The following SERPINI1 variants were observed in gnomAD, a reference collection of about 807,000 sequenced individuals.
SERPINI1 encodes serpin family I member 1.
In SERPINI1, 19 loss-of-function variants were observed where a neutral mutation model predicts 41.1. The ratio of observed to expected loss-of-function variants is 0.46; its 90% CI spans 0.32 to 0.68. The LOEUF (loss-of-function observed/expected upper bound fraction) is 0.68. Ranked by LOEUF, SERPINI1 falls within the 30% of genes least tolerant of loss-of-function variation. SERPINI1 has a pLI of 0.03. For missense variants in SERPINI1, 460 were observed against 479.2 expected (o/e 0.96, Z 0.37); for synonymous variants, 138 against 156.6 (o/e 0.88, Z 0.89).
intron 5 of SERPINI1, among the ~76,000 whole-genome samples, chr3:167,797,139 TGGC>T (rs1462655294): frequency 6.6e-6 from 1 of 152,206 alleles, no homozygotes. Context: ...TCATGTTTGT[TGGC>T]TGCATACATG....
At chr3:167,761,051 A>G (rs1343477601) in intron 1 of SERPINI1, among the ~76,000 whole-genome samples, 1 of 152,174 alleles carries the variant, frequency 6.6e-6, no homozygotes, top group Admixed American at 6.5e-5. Flanking sequence ...CCTAACCTAG[A>G]GAGGGAGAAA....
intron 1 of SERPINI1, among the ~76,000 whole-genome samples, chr3:167,781,029 A>G (rs1727104291): frequency 1.3e-5 from 2 of 152,158 alleles, no homozygotes; most frequent in African/African-American, 2.4e-5. Context: ...AAGGAACACT[A>G]TGCATGAGGA....
intron 1 of SERPINI1, among the ~76,000 whole-genome samples, chr3:167,743,395 GAGA>G (rs2108529862): frequency 6.6e-6 from 1 of 152,272 alleles, no homozygotes; most frequent in African/African-American, 2.4e-5. Flanking sequence ...AGGAAAGTCT[GAGA>G]AGAAAATTGA....
intron 1 of SERPINI1, among the ~76,000 whole-genome samples, chr3:167,747,692 G>A (rs1240549708): frequency 1.3e-5 from 2 of 152,048 alleles, no homozygotes; most frequent in African/African-American, 4.8e-5. Flanking sequence ...CCTTAAAAGG[G>A]TACATTTTAT....
chr3:167,793,838 A>ATGTGTGTGTGTG (rs56401913), intron 4 of SERPINI1, among the ~76,000 whole-genome samples: 2,090 of 141,272 alleles, frequency 0.015, 59 homozygotes, highest in African/African-American at 0.052. Flanking sequence ...GGCCATATGT[A>ATGTGTGTGTGTG]TGTGTGTGTG....
rs938321743 is a variant in SERPINI1, at chr3:167,790,271, G to T, written c.251-101G>T. On this transcript the variant is annotated intron_variant, in intron 2 of 8. Transcript: ENST00000446050. ...CCTGGCACTTTTCCCCCAGGTGCCT[G>T]TTTGGTTAATCTCCCTTGCTGTGCT... is the stretch of plus-strand genomic sequence containing the variant. The T allele has an allele frequency of 1.3e-5, 11 of 844,306 alleles. No homozygotes were observed. In the South Asian group the frequency reaches 1.4e-4, roughly 11 times the overall value. The allele number at this position is 844,306 out of a possible 1,614,324, so 52.3% of individuals were successfully genotyped here.
chr3:167,817,158 G>A (rs969644062), intron 6 of SERPINI1, among the ~76,000 whole-genome samples: 2 of 152,028 alleles, frequency 1.3e-5, no homozygotes, highest in Admixed American at 1.3e-4. Flanking sequence ...AGTCAGGAGA[G>A]CATTTCTCTA....
intron 1 of SERPINI1, among the ~76,000 whole-genome samples, chr3:167,757,531 C>G (rs924992209): frequency 6.6e-6 from 1 of 151,876 alleles, no homozygotes; most frequent in Non-Finnish European, 1.5e-5. Context: ...CACACACACA[C>G]AAAATATATA....
intron 1 of SERPINI1, among the ~76,000 whole-genome samples, chr3:167,770,858 T>G (rs1032346276): frequency 3.9e-5 from 6 of 152,236 alleles, no homozygotes; most frequent in African/African-American, 1.4e-4. Flanking sequence ...ATGTTACGTT[T>G]GTTGAAACTG....
At chr3:167,805,398 T>C (rs1711592393) in intron 5 of SERPINI1, among the ~76,000 whole-genome samples, 1 of 152,220 alleles carries the variant, frequency 6.6e-6, no homozygotes, top group Admixed American at 6.5e-5. Flanking sequence ...AGGTTGTTTT[T>C]TCTTGTAAAT....
chr3:167,787,015 G>A (rs1056314813), intron 1 of SERPINI1, among the ~76,000 whole-genome samples: 5 of 152,038 alleles, frequency 3.3e-5, no homozygotes, highest in African/African-American at 1.2e-4. Context: ...TACTCTATAA[G>A]CTTTTTTTCT....
intron 1 of SERPINI1, among the ~76,000 whole-genome samples, chr3:167,741,183 G>T (rs1725667124): frequency 6.6e-6 from 1 of 152,136 alleles, no homozygotes; most frequent in Admixed American, 6.5e-5. Flanking sequence ...GCCCCCTTCT[G>T]GTTCTGCCTG....
intron 6 of SERPINI1, among the ~76,000 whole-genome samples, chr3:167,812,775 AT>A (rs1711937121): frequency 6.6e-6 from 1 of 152,134 alleles, no homozygotes; most frequent in Non-Finnish European, 1.5e-5. Flanking sequence ...TTGTTGGTAA[AT>A]TCCATTAACA....
chr3:167,768,330 A>G (rs1002367625), intron 1 of SERPINI1, among the ~76,000 whole-genome samples: 1 of 152,224 alleles, frequency 6.6e-6, no homozygotes, highest in Non-Finnish European at 1.5e-5. Flanking sequence ...TTTTTTAGAC[A>G]TAATGCTATT....
chr3:167,791,219 G>A (rs116032040), intron 3 of SERPINI1, among the ~76,000 whole-genome samples: 275 of 152,028 alleles, frequency 1.8e-3, no homozygotes, highest in African/African-American at 6.3e-3. Flanking sequence ...AATTTTACCA[G>A]CAAAATAATT....
At chr3:167,778,448 G>C (rs941416836) in intron 1 of SERPINI1, among the ~76,000 whole-genome samples, 2 of 152,178 alleles carry the variant, frequency 1.3e-5, no homozygotes, top group African/African-American at 4.8e-5. Flanking sequence ...TCTCTGATTG[G>C]TTGGGGATGA....
At chr3:167,796,474 G>T (rs1212097068) in intron 5 of SERPINI1, among the ~76,000 whole-genome samples, 1 of 151,984 alleles carries the variant, frequency 6.6e-6, no homozygotes, top group East Asian at 1.9e-4. Context: ...ATTAAGCCTT[G>T]CATGCGTTAG....
At chr3:167,801,989 G>C (rs549388176) in intron 5 of SERPINI1, among the ~76,000 whole-genome samples, 8 of 152,182 alleles carry the variant, frequency 5.3e-5, no homozygotes, top group African/African-American at 1.9e-4. Flanking sequence ...ACAACTATCT[G>C]ATCTTTGACA....
intron 1 of SERPINI1, among the ~76,000 whole-genome samples, chr3:167,754,441 G>T (rs1021532745): frequency 6.6e-6 from 1 of 152,162 alleles, no homozygotes; most frequent in Non-Finnish European, 1.5e-5. Flanking sequence ...TCCTACTTCT[G>T]TGGCACATAC....
Sources: allele counts gnomAD v4.1 joint callset (sites outside exome capture counted in the v4.1 genomes callset), GRCh38; gene constraint gnomAD v4.1.1; transcripts MANE v1.5; gene names NCBI Gene and HGNC (gene_info 2026-07-23, HGNC 2026-07-21).